Variants in HDAC7 observed in about 807,000 individuals in gnomAD.
The protein encoded by HDAC7 is histone deacetylase 7A.
Under a neutral mutation model 115.5 loss-of-function variants are expected in HDAC7, and 26 were observed. That is an observed-to-expected ratio of 0.23 (90% CI 0.16 to 0.31). The LOEUF is 0.31. Among genes scored for constraint, HDAC7 ranks in the 10% least tolerant of loss-of-function variants. The pLI is 1.00. For missense variants in HDAC7, 1,068 were observed against 1,329.0 expected (o/e 0.80, Z 3.05); for synonymous variants, 564 against 550.9 (o/e 1.02, Z -0.33).
intron 1 of HDAC7, 163 bp from the exon 2 acceptor site, chr12:47,802,437 C>T (rs1386961325): frequency 1.9e-6 from 3 of 1,549,888 alleles, no homozygotes; most frequent in African/African-American, 1.4e-5. Flanking sequence ...AGACCCCACC[C>T]CATTCGACTC....
intron 1 of HDAC7, among the ~76,000 whole-genome samples, chr12:47,804,524 GAA>G (rs35819372): frequency 0.028 from 3,656 of 129,666 alleles, 160 homozygotes; most frequent in African/African-American, 0.096. Context: ...GGGTCAGCCT[GAA>G]AAAAAAAAAA....
At chr12:47,802,622 A>G in intron 1 of HDAC7, 1 of 714,526 alleles carries the variant, frequency 1.4e-6, no homozygotes, top group Non-Finnish European at 2.3e-6. Flanking sequence ...CAGCCAAACC[A>G]GGCTCCCATC....
At chr12:47,790,014 A>C (rs1178758810) in intron 16 of HDAC7, 94 bp from the exon 17 acceptor site, 3 of 895,152 alleles carry the variant, frequency 3.4e-6, no homozygotes, top group Non-Finnish European at 5.5e-6. Context: ...CCAGGACCCC[A>C]GGGGCAGGGA....
At chr12:47,791,411 G>C (rs1943498105) in intron 15 of HDAC7, 103 bp from the exon 16 acceptor site, 4 of 1,383,858 alleles carry the variant, frequency 2.9e-6, no homozygotes, top group Non-Finnish European at 3.9e-6. Context: ...TATTGGGGGA[G>C]AGAAATATGG....
chr12:47,815,893 ATTTTTT>A (rs34394540), intron 1 of HDAC7, among the ~76,000 whole-genome samples: 4 of 118,294 alleles, frequency 3.4e-5, no homozygotes, highest in South Asian at 2.8e-4. Flanking sequence ...TCCAGCCAGG[ATTTTTT>A]TTTTTTTTTT....
chr12:47,801,536 C>T (rs145671506), intron 2 of HDAC7, among the ~76,000 whole-genome samples: 6 of 152,286 alleles, frequency 3.9e-5, no homozygotes, highest in East Asian at 3.9e-4. Flanking sequence ...TTTTCAACAG[C>T]CAGGACTGAA....
chr12:47,792,170 G>A (rs1304517025), intron 13 of HDAC7, 166 bp from the exon 14 acceptor site: 7 of 737,008 alleles, frequency 9.5e-6, no homozygotes, highest in Non-Finnish European at 8.5e-6. Flanking sequence ...CCCTACCCCA[G>A]CCCCAGCCCC....
At chr12:47,787,626 T>G in intron 21 of HDAC7, 86 bp downstream of exon 21, 2 of 883,340 alleles carry the variant, frequency 2.3e-6, no homozygotes, top group East Asian at 2.7e-5. Context: ...AGGCTGACAA[T>G]CCAACTGATC....
intron 2 of HDAC7, 57 bp from the exon 3 acceptor site, chr12:47,799,029 T>G: frequency 1.6e-6 from 2 of 1,233,702 alleles, no homozygotes; most frequent in Non-Finnish European, 2.2e-6. Flanking sequence ...GGGGGCATGA[T>G]ACAGCCTGAT....
At chr12:47,805,074 T>A (rs767461680) in intron 1 of HDAC7, among the ~76,000 whole-genome samples, 31 of 84,518 alleles carry the variant, frequency 3.7e-4, no homozygotes, top group African/African-American at 5.3e-4. Context: ...CTTTTCTTAA[T>A]TTTTTTTTTT....
rs750484471 is a variant in HDAC7, at chr12:47,794,868, T to C, written c.1350A>G (p.Thr450=). The change falls in exon 12 of 26, where the codon ACA becomes ACG. Residue 450 remains threonine, a synonymous_variant. Coordinates refer to ENST00000080059, the MANE Select transcript of HDAC7 (RefSeq NM_015401.5). Reference sequence around the variant, plus strand: ...CCACCTGGCCCGGTCCCCCGCCATCTGTCTCCAGGTCTTCAGCCGAGGGTA... The same window carrying C: ...CCACCTGGCCCGGTCCCCCGCCATCCGTCTCCAGGTCTTCAGCCGAGGGTA... ...RQIPSAEDLE[T]DGGGPGQVVD... 1.2e-6 allele frequency: 2 copies of C among 1,613,408 alleles called. No individual in the cohort carries two copies. Among genetic ancestry groups the C allele is most frequent in the African/African-American group, 1.3e-5 (1 of 75,050 alleles).
rs757499307 is a variant in HDAC7 at position 47,793,883 on chromosome 12, GTCC to G, written c.1459-298_1459-296del. 3.9e-5 allele frequency among the ~76,000 whole-genome samples: 6 copies of G among 152,180 alleles called. No individual in the cohort carries two copies. Among genetic ancestry groups the G allele is most frequent in the Non-Finnish European group, 8.8e-5 (6 of 68,040 alleles). Reference sequence around the variant, plus strand: ...CGCTGGATCTTGTGCTGACCAGGATGTCCTCCTGTCCTGGACTATGTAACTGTT... The same window carrying G: ...CGCTGGATCTTGTGCTGACCAGGATGTCCTGTCCTGGACTATGTAACTGTT... On this transcript the variant is annotated intron_variant, in intron 12 of 25. Transcript: ENST00000080059. The surrounding 1 kb of genome is among the most constrained non-coding windows in gnomAD (Gnocchi z 4.5).
At chr12:47,791,222 C>A in intron 16 of HDAC7, 37 bp downstream of exon 16, 1 of 1,564,346 alleles carries the variant, frequency 6.4e-7, no homozygotes. Flanking sequence ...GCTGAGAGCC[C>A]TGGCAACGCC....
chr12:47,786,621 G>C lies in HDAC7; in HGVS notation c.2536C>G (p.Pro846Ala). Residue 846 changes from proline (P) to alanine (A), a missense_variant, in exon 22 of 26, where the codon CCG becomes GCG. By Grantham distance (27) the Pro-to-Ala change is conservative. Coordinates refer to ENST00000080059, the MANE Select transcript of HDAC7 (RefSeq NM_015401.5). ...SAGFDAAEGH[P>A]APLGGYHVSA... ...ACATGGTAGCCACCCAGTGGGGCCG[G>C]GTGACCCTCAGCAGCATCAAATCCA... is the stretch of plus-strand genomic sequence containing the variant. The C allele has an allele frequency of 6.2e-7, 1 of 1,613,964 alleles. No homozygotes were observed. The highest frequency in any genetic ancestry group is 1.1e-5 in the South Asian group (1 of 91,088).
chr12:47,792,370 G>A (rs779904229), intron 13 of HDAC7: 32 of 373,580 alleles, frequency 8.6e-5, no homozygotes, highest in Non-Finnish European at 1.5e-4. Context: ...GAGGCCTAAC[G>A]TACAGCATCT....
Position 47,784,105 on chromosome 12 carries a change from G to A in HDAC7, c.2904C>T (p.Leu968=), listed in dbSNP as rs1038837275. 6.2e-7 allele frequency: 1 copy of A among 1,613,662 alleles called. No homozygotes were observed. Among genetic ancestry groups the A allele is most frequent in the Non-Finnish European group, 8.5e-7 (1 of 1,179,942 alleles). ...TATCTTCAGCCAGGATGCCCACAGA[G>A]AGGGACGCCAGTGCGGTCACTGCCT... ...EVEAVTALAS[L]SVGILAEDRP... The change falls in exon 25 of 26, where the codon CTC becomes CTT. Residue 968 remains leucine, a synonymous_variant. Transcript: ENST00000080059.
Position 47,797,582 on chromosome 12 carries a change from G to A in HDAC7, c.462-83C>T, listed in dbSNP as rs1255669705. 1.9e-6 allele frequency: 2 copies of A among 1,027,318 alleles called. No homozygotes were observed. The highest frequency in any genetic ancestry group is 2.4e-5 in the Admixed American group (1 of 41,538). The allele number at this position is 1,027,318 out of a possible 1,614,324, so 63.6% of individuals were successfully genotyped here. A position where few individuals can be genotyped will look rare whatever the true frequency, so the allele number is the denominator to read the frequency against. On this transcript the variant is annotated intron_variant, in intron 5 of 25. Transcript: ENST00000080059. This position sits in a 1 kb window ranked among gnomAD's most constrained non-coding sequence, Gnocchi z 5.5. ...CCTGAGCACGGGCCCTGGGACCTGA[G>A]GGGGAGGCTGCAGCGGGCAGGGCTG...
chr12:47,784,948 G>T (rs1455006680), intron 24 of HDAC7: 2 of 618,912 alleles, frequency 3.2e-6, no homozygotes, highest in African/African-American at 1.9e-5. Flanking sequence ...TAGATGTTGA[G>T]TTGAAGTTGA....
At chr12:47,786,466 G>GAT in intron 22 of HDAC7, 119 bp downstream of exon 22, 1 of 709,826 alleles carries the variant, frequency 1.4e-6, no homozygotes, top group South Asian at 1.7e-5. Context: ...CCAGTCCTCA[G>GAT]GCTGAAAGCC....
Sources: allele counts gnomAD v4.1 joint callset (sites outside exome capture counted in the v4.1 genomes callset), GRCh38; gene constraint gnomAD v4.1.1; non-coding constraint Gnocchi (gnomAD v3.1); transcripts MANE v1.5; gene names NCBI Gene and HGNC (gene_info 2026-07-23, HGNC 2026-07-21).